Variants in RALB observed in about 807,000 individuals in gnomAD.
RALB encodes the protein ras-related protein Ral-B.
A neutral mutation model predicts 21.3 loss-of-function variants in RALB; 16 were observed. The observed-to-expected ratio is 0.75, with a 90% confidence interval of 0.51 to 1.14. The LOEUF (loss-of-function observed/expected upper bound fraction) is 1.14, where lower values mean the gene tolerates loss of function less well. RALB is among the 50% of genes most tolerant of loss of function. RALB has a pLI of 0.00. For synonymous variants in RALB, 93 were observed against 96.1 expected (o/e 0.97, Z 0.19); for missense variants, 161 against 256.2 (o/e 0.63, Z 2.54).
chr2:120,254,997 A>G (rs1310807025), intron 1 of RALB, among the ~76,000 whole-genome samples: 1 of 152,206 alleles, frequency 6.6e-6, no homozygotes, highest in Non-Finnish European at 1.5e-5. Context: ...TTTCTTCCAA[A>G]TCACGTAATC....
chr2:120,253,477 A>C, intron 1 of RALB: 1 of 985,824 alleles, frequency 1.0e-6, no homozygotes, highest in Non-Finnish European at 1.2e-6. Context: ...GCAAATGAGC[A>C]TAAAGTTGTT....
At chr2:120,255,041 C>G (rs528201653) in intron 1 of RALB, among the ~76,000 whole-genome samples, 1 of 152,278 alleles carries the variant, frequency 6.6e-6, no homozygotes, top group African/African-American at 2.4e-5. Context: ...TTGCTAAATT[C>G]TTACCCCCCT....
intron 1 of RALB, among the ~76,000 whole-genome samples, chr2:120,278,182 G>A (rs1689891494): frequency 6.6e-6 from 1 of 152,086 alleles, no homozygotes; most frequent in African/African-American, 2.4e-5. Flanking sequence ...TGGGGTAGAG[G>A]GTAAGAGGGC....
chr2:120,279,307 C>T (rs1034058226), intron 2 of RALB, among the ~76,000 whole-genome samples: 1 of 152,216 alleles, frequency 6.6e-6, no homozygotes, highest in Admixed American at 6.5e-5. Context: ...TTCAGTGTGA[C>T]AACACAGCCT....
chr2:120,266,828 C>G (rs1022632421), intron 1 of RALB, among the ~76,000 whole-genome samples: 1 of 152,200 alleles, frequency 6.6e-6, no homozygotes, highest in African/African-American at 2.4e-5. Flanking sequence ...TGAGCGTCCA[C>G]CAAGTACCAG....
intron 4 of RALB, 61 bp from the exon 5 acceptor site, chr2:120,293,080 A>G (rs1036300421): frequency 1.3e-6 from 2 of 1,510,696 alleles, no homozygotes; most frequent in Non-Finnish European, 1.8e-6. Context: ...TAACAAAAGA[A>G]AAAAATCATT....
intron 1 of RALB, among the ~76,000 whole-genome samples, chr2:120,246,025 T>G (rs1688964290): frequency 6.6e-6 from 1 of 152,170 alleles, no homozygotes; most frequent in Admixed American, 6.5e-5. Context: ...AGGTATGTCC[T>G]TTTACCCCCC....
chr2:120,286,145 A>G, intron 3 of RALB, 63 bp downstream of exon 3: 1 of 1,408,354 alleles, frequency 7.1e-7, no homozygotes, highest in Non-Finnish European at 1.0e-6. Flanking sequence ...CATATGTCTT[A>G]GGCCTATGAA....
chr2:120,291,355 T>G (rs904943459), intron 4 of RALB, among the ~76,000 whole-genome samples: 1 of 152,236 alleles, frequency 6.6e-6, no homozygotes, highest in African/African-American at 2.4e-5. Flanking sequence ...CTTATATTAT[T>G]GTGCTACTTA....
intron 1 of RALB, among the ~76,000 whole-genome samples, chr2:120,277,135 C>G (rs986202674): frequency 2.0e-5 from 3 of 152,134 alleles, no homozygotes; most frequent in African/African-American, 4.8e-5. Context: ...TGAGATTTCT[C>G]CTTTTAACTC....
chr2:120,253,578 C>T, intron 1 of RALB: 1 of 985,514 alleles, frequency 1.0e-6, no homozygotes, highest in Non-Finnish European at 1.2e-6. Flanking sequence ...CATCGCCGTC[C>T]CGGTTCTTGC....
intron 1 of RALB, among the ~76,000 whole-genome samples, chr2:120,261,919 C>T (rs1334733422): frequency 6.6e-6 from 1 of 152,068 alleles, no homozygotes; most frequent in Non-Finnish European, 1.5e-5. Flanking sequence ...ATAACTGTTT[C>T]TGGTGACGGT....
At chr2:120,262,106 T>C (rs1689379817) in intron 1 of RALB, among the ~76,000 whole-genome samples, 1 of 152,070 alleles carries the variant, frequency 6.6e-6, no homozygotes, top group South Asian at 2.1e-4. Context: ...CAGAAGCAGA[T>C]GTCCTCAATA....
chr2:120,262,519 A>G, intron 1 of RALB, among the ~76,000 whole-genome samples: 1 of 152,122 alleles, frequency 6.6e-6, no homozygotes, highest in East Asian at 1.9e-4. Context: ...GTCATAGGAA[A>G]GAGTGGGGAC....
At chr2:120,262,478 T>C (rs1449911991) in intron 1 of RALB, among the ~76,000 whole-genome samples, 1 of 152,110 alleles carries the variant, frequency 6.6e-6, no homozygotes, top group African/African-American at 2.4e-5. Context: ...TTTCAGGAGA[T>C]GGATGCAGTT....
chr2:120,272,607 GTA>G (rs1689692531), intron 1 of RALB, among the ~76,000 whole-genome samples: 1 of 152,142 alleles, frequency 6.6e-6, no homozygotes, highest in South Asian at 2.1e-4. Context: ...GAAGATACCT[GTA>G]TTTTTTTAAG....
intron 1 of RALB, among the ~76,000 whole-genome samples, chr2:120,246,003 T>C (rs1688963928): frequency 6.6e-6 from 1 of 152,222 alleles, no homozygotes; most frequent in Non-Finnish European, 1.5e-5. Flanking sequence ...AGCGAGGGTC[T>C]GGGGCCTTCT....
intron 2 of RALB, among the ~76,000 whole-genome samples, chr2:120,281,755 C>T (rs976130441): frequency 6.6e-6 from 1 of 152,128 alleles, no homozygotes; most frequent in Non-Finnish European, 1.5e-5. Flanking sequence ...TGTTTTTGCT[C>T]AAAAACTTAT....
At chr2:120,287,725 C>A (rs1400072826) in intron 3 of RALB, among the ~76,000 whole-genome samples, 5 of 152,240 alleles carry the variant, frequency 3.3e-5, no homozygotes, top group Non-Finnish European at 7.3e-5. Flanking sequence ...TGGAGCAGGG[C>A]TCCCCTCAAT....
Sources: allele counts gnomAD v4.1 joint callset (sites outside exome capture counted in the v4.1 genomes callset), GRCh38; gene constraint gnomAD v4.1.1; transcripts MANE v1.5; gene names NCBI Gene and HGNC (gene_info 2026-07-23, HGNC 2026-07-21).